Variants in WNT7B observed in about 807,000 individuals in gnomAD.
WNT7B encodes the protein Wnt family member 7B, also known as protein Wnt-7b.
A neutral mutation model predicts 38.2 loss-of-function variants in WNT7B; 19 were observed. The observed-to-expected ratio is 0.50, with a 90% confidence interval of 0.35 to 0.73. The LOEUF is 0.73. Ranked by LOEUF, WNT7B falls within the 30% of genes least tolerant of loss-of-function variation. The probability of loss-of-function intolerance (pLI) is 0.01; values close to 1 mark genes in which losing one functional copy is unlikely to be tolerated. For missense variants in WNT7B, 423 were observed against 507.9 expected (o/e 0.83, Z 1.61); for synonymous variants, 243 against 209.3 (o/e 1.16, Z -1.39).
At chr22:45,923,671 G>A (rs1411603916) in intron 3 of WNT7B, among the ~76,000 whole-genome samples, 3 of 152,192 alleles carry the variant, frequency 2.0e-5, no homozygotes, top group Non-Finnish European at 2.9e-5. Flanking sequence ...TGAGGAAACC[G>A]AGGTTTGGGG....
At chr22:45,933,053 GCTGGGGGCTCA>G (rs1931417452) in intron 2 of WNT7B, among the ~76,000 whole-genome samples, 1 of 152,208 alleles carries the variant, frequency 6.6e-6, no homozygotes, top group African/African-American at 2.4e-5. Context: ...CCCGCAGCCT[GCTGGGGGCTCA>G]GCCAGGTGGG....
At position 45,931,347 on chromosome 22, in the gene WNT7B, C is replaced by A. The variant is rs138303600; in HGVS notation, c.321G>T (p.Thr107=). 427 of 1,592,044 alleles carry A rather than the reference C, an allele frequency of 2.7e-4. No homozygotes were observed. The African/African-American group carries it at 5.1e-3, about 19-fold the overall frequency. Residue 107 remains threonine, a synonymous_variant, in exon 3 of 4, where the codon ACG becomes ACT. Transcript: ENST00000339464. ...LRVGSREAAF[T]YAITAAGVAH... ...CCACGCCAGCCGCGGTGATGGCGTA[C>A]GTGAAGGCAGCCTCACGGCTCCCTG...
chr22:45,927,445 G>A lies in WNT7B; in HGVS notation c.570+3653C>T, dbSNP rs111421469. 3.8e-3 allele frequency: 5,946 copies of A among 1,547,348 alleles called. 160 individuals are homozygous for A. The African/African-American group carries it at 0.062, about 16-fold the overall frequency. On this transcript the variant is annotated intron_variant, in intron 3 of 3. Transcript: ENST00000339464. Reference sequence around the variant, plus strand: ...TGGGCCACATGCCAGCTAGGGGAACGGCATAGCAACCCCCCAAATTCATGT... The same window carrying A: ...TGGGCCACATGCCAGCTAGGGGAACAGCATAGCAACCCCCCAAATTCATGT...
At chr22:45,927,380 A>C (rs1344812277) in intron 3 of WNT7B, 1 of 1,506,150 alleles carries the variant, frequency 6.6e-7, no homozygotes, top group Non-Finnish European at 8.9e-7. Context: ...GGGCCTCCAG[A>C]CTCTGCCCAT....
At chr22:45,974,260 C>T (rs1002887093) in intron 1 of WNT7B, among the ~76,000 whole-genome samples, 4 of 152,156 alleles carry the variant, frequency 2.6e-5, no homozygotes, top group Non-Finnish European at 4.4e-5. Flanking sequence ...TCACTCAAGG[C>T]CACAGGCTAG....
chr22:45,937,102 G>T (rs2146719901), intron 2 of WNT7B, among the ~76,000 whole-genome samples: 1 of 152,338 alleles, frequency 6.6e-6, no homozygotes, highest in Middle Eastern at 3.4e-3. Flanking sequence ...CAGCCTCAGT[G>T]CTGGGAAGGC....
At chr22:45,929,681 C>T (rs1002084104) in intron 3 of WNT7B, among the ~76,000 whole-genome samples, 2 of 145,726 alleles carry the variant, frequency 1.4e-5, no homozygotes, top group South Asian at 2.2e-4. Flanking sequence ...TCCTTCCCTC[C>T]ATACTTCCAT....
At chr22:45,929,388 C>T (rs1333446504) in intron 3 of WNT7B, among the ~76,000 whole-genome samples, 1 of 145,440 alleles carries the variant, frequency 6.9e-6, no homozygotes, top group African/African-American at 2.5e-5. Context: ...ACCCACTCAC[C>T]CATCCATCCT....
intron 3 of WNT7B, chr22:45,926,704 AAG>A: frequency 1.0e-6 from 1 of 978,092 alleles, no homozygotes; most frequent in Non-Finnish European, 1.2e-6. Context: ...GCCCCTAAGT[AAG>A]TGTGGCCCTG....
intron 1 of WNT7B, among the ~76,000 whole-genome samples, chr22:45,952,023 G>A (rs969879181): frequency 1.3e-5 from 2 of 152,200 alleles, no homozygotes; most frequent in African/African-American, 4.8e-5. Context: ...GGAGGGGGGC[G>A]GCTGGTTTCA....
chr22:45,972,116 G>GGGGGCCCCCCCCCCCCCCCCCCCCC, intron 1 of WNT7B: 1 of 530,738 alleles, frequency 1.9e-6, no homozygotes, highest in African/African-American at 2.1e-5. Flanking sequence ...CCCGGGGGGA[G>GGGGGCCCCCCCCCCCCCCCCCCCCC]CCCACCCGCC....
chr22:45,944,968 C>A (rs558307636), intron 2 of WNT7B, among the ~76,000 whole-genome samples: 4 of 152,232 alleles, frequency 2.6e-5, no homozygotes, highest in Non-Finnish European at 5.9e-5. Context: ...TTTGGGCCAC[C>A]CCCTCCTGTC....
chr22:45,930,795 C>T (rs141954188), intron 3 of WNT7B, among the ~76,000 whole-genome samples: 8 of 152,224 alleles, frequency 5.3e-5, no homozygotes, highest in Non-Finnish European at 1.0e-4. Flanking sequence ...CCCTCCGCCA[C>T]GGGGTCCCCA....
At chr22:45,927,178 G>A (rs1180873415) in intron 3 of WNT7B, 4 of 985,334 alleles carry the variant, frequency 4.1e-6, no homozygotes, top group Non-Finnish European at 4.8e-6. Context: ...TAGCAGTGGG[G>A]ACCATGTGCC....
chr22:45,954,262 G>T (rs761600297), intron 1 of WNT7B, among the ~76,000 whole-genome samples: 3 of 152,108 alleles, frequency 2.0e-5, no homozygotes, highest in Admixed American at 1.3e-4. Flanking sequence ...GAAGGGGAAC[G>T]GGGAACAGGG....
chr22:45,929,643 CTCAT>C (rs1167653692), intron 3 of WNT7B, among the ~76,000 whole-genome samples: 1,766 of 83,536 alleles, frequency 0.021, 49 homozygotes, highest in African/African-American at 0.078. Flanking sequence ...CATGCATCCA[CTCAT>C]CCATCCTTCC....
chr22:45,924,573 AG>A (rs1335943256), intron 3 of WNT7B, among the ~76,000 whole-genome samples: 2 of 152,262 alleles, frequency 1.3e-5, no homozygotes, highest in East Asian at 3.8e-4. Flanking sequence ...GCATTCCAGG[AG>A]GGGTTCAACA....
intron 3 of WNT7B, chr22:45,925,047 G>A (rs1225183531): frequency 4.3e-5 from 42 of 980,102 alleles, no homozygotes; most frequent in Non-Finnish European, 5.0e-5. Flanking sequence ...GGCTCATCAG[G>A]TGGGTGCTGG....
At position 45,965,073 on chromosome 22, in the gene WNT7B, G is replaced by A. The variant is rs980820225; in HGVS notation, c.71+11611C>T. Among the ~76,000 whole-genome samples the A allele has an allele frequency of 2.1e-4, 31 of 144,326 alleles. No homozygotes were observed. Among genetic ancestry groups the A allele is most frequent in the African/African-American group, 7.3e-4 (28 of 38,460 alleles). The allele number at this position is 144,326 out of a possible 152,430, so 94.7% of individuals were successfully genotyped here. ...ACCCGAGATCACTGCCTCCGGCCCC[G>A]CCCCCACCTCACCTTCCCCTGCTCC... On this transcript the variant is annotated intron_variant, in intron 1 of 3. Transcript: ENST00000339464. The surrounding 1 kb of genome is among the most constrained non-coding windows in gnomAD (Gnocchi z 6.5).
Sources: allele counts gnomAD v4.1 joint callset (sites outside exome capture counted in the v4.1 genomes callset), GRCh38; gene constraint gnomAD v4.1.1; non-coding constraint Gnocchi (gnomAD v3.1); transcripts MANE v1.5; gene names NCBI Gene and HGNC (gene_info 2026-07-23, HGNC 2026-07-21).